Variants in DYRK1A observed in about 807,000 individuals in gnomAD.
DYRK1A encodes dual specificity tyrosine-phosphorylation-regulated kinase 1A.
A neutral mutation model predicts 79.7 loss-of-function variants in DYRK1A; 9 were observed. That is an observed-to-expected ratio of 0.11 (90% CI 0.07 to 0.20). The LOEUF is 0.20. Ranked by LOEUF, DYRK1A falls within the 10% of genes least tolerant of loss-of-function variation. DYRK1A has a pLI of 1.00. For synonymous variants in DYRK1A, 349 were observed against 329.7 expected, an observed-to-expected ratio of 1.06 and a Z score of -0.63; for missense variants, 622 against 956.0, an observed-to-expected ratio of 0.65 and a Z score of 4.61.
At chr21:37,486,672 ATGGTTC>A in intron 6 of DYRK1A, 58 bp downstream of exon 6, 1 of 1,362,168 alleles carries the variant, frequency 7.3e-7, no homozygotes, top group Non-Finnish European at 9.6e-7. Context: ...CTTTGAGTTA[ATGGTTC>A]TTTTCTATCA....
intron 5 of DYRK1A, among the ~76,000 whole-genome samples, chr21:37,482,520 A>G (rs1428871955): frequency 2.0e-5 from 3 of 152,160 alleles, no homozygotes; most frequent in Non-Finnish European, 4.4e-5. Flanking sequence ...ATATAATATC[A>G]CAAGGCAAAT....
At chr21:37,480,865 A>G (rs1261361882) in intron 5 of DYRK1A, 39 bp downstream of exon 5, 2 of 1,495,242 alleles carry the variant, frequency 1.3e-6, no homozygotes, top group Non-Finnish European at 1.8e-6. Flanking sequence ...TTAGTTAGAA[A>G]GAACTTCTTA....
chr21:37,373,715 TC>T (rs1185199357), intron 1 of DYRK1A, among the ~76,000 whole-genome samples: 7 of 152,240 alleles, frequency 4.6e-5, no homozygotes, highest in Admixed American at 1.3e-4. Context: ...ACATGATTTT[TC>T]TTCATACCCT....
intron 2 of DYRK1A, among the ~76,000 whole-genome samples, chr21:37,447,926 C>T (rs186467972): frequency 3.0e-3 from 454 of 152,146 alleles, no homozygotes; most frequent in Middle Eastern, 6.8e-3. Context: ...TATTAAAATT[C>T]GGAATTAACA....
intron 2 of DYRK1A, among the ~76,000 whole-genome samples, chr21:37,464,647 G>T (rs1011565324): frequency 1.3e-4 from 20 of 152,120 alleles, no homozygotes; most frequent in African/African-American, 4.1e-4. Context: ...CTTAAGCTAA[G>T]ATATTATTAT....
chr21:37,507,484 A>G (rs1054312109), intron 11 of DYRK1A, among the ~76,000 whole-genome samples: 7 of 151,626 alleles, frequency 4.6e-5, no homozygotes, highest in Non-Finnish European at 1.0e-4. Flanking sequence ...TGCTTGTTCC[A>G]CTTAGGTCCT....
At chr21:37,376,724 G>T (rs1324486973) in intron 1 of DYRK1A, among the ~76,000 whole-genome samples, 4 of 151,900 alleles carry the variant, frequency 2.6e-5, no homozygotes, top group Non-Finnish European at 5.9e-5. Flanking sequence ...TGTCTTATTT[G>T]TTAGGGCCCG....
intron 4 of DYRK1A, among the ~76,000 whole-genome samples, chr21:37,478,914 G>A (rs1290907300): frequency 6.6e-6 from 1 of 152,142 alleles, no homozygotes; most frequent in Non-Finnish European, 1.5e-5. Flanking sequence ...GCCTGTACTT[G>A]GTGTTTTGCC....
rs2052186888 is a variant in DYRK1A, at chr21:37,470,547, G to GTT, written c.11-2137_11-2136insTT. Among the ~76,000 whole-genome samples the GTT allele has an allele frequency of 3.0e-4, 45 of 152,160 alleles. 2 individuals are homozygous for GTT. ...GTAATACCTCTGCTTCATAGATAGG[G>GTT]AATCTAAGGCTTTGAATGGTTAAGA... On this transcript the variant is annotated intron_variant, in intron 2 of 11. Coordinates refer to ENST00000647188, the MANE Select transcript of DYRK1A (RefSeq NM_001347721.2).
chr21:37,426,575 A>C (rs1353568179), intron 2 of DYRK1A, among the ~76,000 whole-genome samples: 1 of 152,096 alleles, frequency 6.6e-6, no homozygotes, highest in African/African-American at 2.4e-5. Context: ...AAACCTAAAC[A>C]GAGTGAAAAA....
chr21:37,494,935 A>G (rs2148624070), intron 8 of DYRK1A, among the ~76,000 whole-genome samples: 2 of 99,088 alleles, frequency 2.0e-5, no homozygotes, highest in East Asian at 6.7e-4. Context: ...GAGACAGAAC[A>G]AGACTCCATT....
At chr21:37,379,942 T>C (rs190624246) in intron 1 of DYRK1A, among the ~76,000 whole-genome samples, 2 of 152,348 alleles carry the variant, frequency 1.3e-5, no homozygotes, top group East Asian at 3.9e-4. Flanking sequence ...GTCCCTGCTA[T>C]CACGGATGTT....
chr21:37,502,676 C>T (rs966266283), intron 9 of DYRK1A: 18 of 151,908 alleles, frequency 1.2e-4, no homozygotes, highest in African/African-American at 4.1e-4. Flanking sequence ...TATATTTATC[C>T]TTATATTTGC....
intron 3 of DYRK1A, among the ~76,000 whole-genome samples, chr21:37,477,212 G>A (rs1477047004): frequency 6.6e-6 from 1 of 152,166 alleles, no homozygotes; most frequent in Non-Finnish European, 1.5e-5. Flanking sequence ...GAGTGTCCTT[G>A]GAGAGATGTT....
intron 11 of DYRK1A, among the ~76,000 whole-genome samples, chr21:37,508,543 T>A (rs1007751204): frequency 5.3e-5 from 8 of 152,226 alleles, no homozygotes; most frequent in African/African-American, 1.9e-4. Context: ...CATCTCGGCC[T>A]CCCAAAGTGT....
intron 2 of DYRK1A, among the ~76,000 whole-genome samples, chr21:37,470,145 A>AAAAT (rs1199661055): frequency 6.6e-6 from 1 of 152,168 alleles, no homozygotes; most frequent in Non-Finnish European, 1.5e-5. Context: ...CTCTGTCTCA[A>AAAAT]AAATAAATAA....
At chr21:37,388,739 G>C (rs914640828) in intron 1 of DYRK1A, among the ~76,000 whole-genome samples, 8 of 150,682 alleles carry the variant, frequency 5.3e-5, no homozygotes, top group African/African-American at 2.0e-4. Context: ...CTGCCTCCTG[G>C]GTTTATGCCA....
At chr21:37,466,548 G>T (rs955967167) in intron 2 of DYRK1A, among the ~76,000 whole-genome samples, 3 of 152,010 alleles carry the variant, frequency 2.0e-5, no homozygotes, top group Non-Finnish European at 4.4e-5. Flanking sequence ...AACAGAAGAA[G>T]GTAAAGGTAA....
intron 1 of DYRK1A, among the ~76,000 whole-genome samples, chr21:37,383,603 G>T (rs1263597866): frequency 1.3e-5 from 2 of 152,150 alleles, no homozygotes; most frequent in Non-Finnish European, 2.9e-5. Flanking sequence ...GAAATACTTA[G>T]AAACCTGTTT....
Sources: allele counts gnomAD v4.1 joint callset (sites outside exome capture counted in the v4.1 genomes callset), GRCh38; gene constraint gnomAD v4.1.1; transcripts MANE v1.5; gene names NCBI Gene and HGNC (gene_info 2026-07-23, HGNC 2026-07-21).